STK38: variants seen among roughly 807,000 people sequenced by gnomAD.
STK38 encodes serine/threonine kinase 38, also known as serine/threonine-protein kinase 38.
A neutral mutation model predicts 59.0 loss-of-function variants in STK38; 26 were observed. The ratio of observed to expected loss-of-function variants is 0.44; its 90% CI spans 0.32 to 0.61. The LOEUF (loss-of-function observed/expected upper bound fraction) is 0.61. Ranked by LOEUF, STK38 falls within the 20% of genes least tolerant of loss-of-function variation. The pLI is 0.04. For missense variants in STK38, 433 were observed against 566.0 expected, an observed-to-expected ratio of 0.76 and a Z score of 2.38; for synonymous variants, 175 against 176.6, an observed-to-expected ratio of 0.99 and a Z score of 0.07.
intron 7 of STK38, among the ~76,000 whole-genome samples, chr6:36,509,264 C>G (rs1447779044): frequency 6.6e-6 from 1 of 152,166 alleles, no homozygotes; most frequent in East Asian, 1.9e-4. Flanking sequence ...TGGGTTGCTC[C>G]TTTCCGCAAG....
intron 1 of STK38, among the ~76,000 whole-genome samples, chr6:36,545,207 C>T (rs1040337664): frequency 2.8e-5 from 4 of 144,080 alleles, no homozygotes; most frequent in East Asian, 2.1e-4. Context: ...GCAGGAGAAT[C>T]GCTTGAACCC....
chr6:36,522,876 A>AAAAAAAAAAAAAAG (rs774099487), intron 4 of STK38, among the ~76,000 whole-genome samples: 6 of 98,832 alleles, frequency 6.1e-5, no homozygotes, highest in Non-Finnish European at 9.1e-5. Context: ...AAAAAAAAAA[A>AAAAAAAAAAAAAAG]AAGAAGAAGA....
chr6:36,539,525 A>G (rs775490463), intron 2 of STK38, among the ~76,000 whole-genome samples: 24 of 152,204 alleles, frequency 1.6e-4, no homozygotes, highest in Non-Finnish European at 3.2e-4. Context: ...ATACTCACAT[A>G]TGTTATATCT....
At chr6:36,515,204 T>TG (rs1409676958) in intron 7 of STK38, 134 bp downstream of exon 7, 4 of 905,486 alleles carry the variant, frequency 4.4e-6, no homozygotes, top group African/African-American at 1.8e-5. Flanking sequence ...CTTACCTGTT[T>TG]AAAAAAAAAA....
rs1778073804 is a variant in STK38, at chr6:36,547,330, C to G, written c.-146G>C. 6.6e-6 allele frequency: 1 copy of G among 152,634 alleles called. No individual in the cohort carries two copies. The highest frequency in any genetic ancestry group is 1.5e-5 in the Non-Finnish European group (1 of 68,302). 9.5% of individuals were successfully genotyped at this position (152,634 alleles called of 1,614,324 possible). On this transcript the variant is annotated 5_prime_UTR_variant, in exon 1 of 14. Transcript: ENST00000229812. ...GACGGGAGGGGACGCGTGAGGGACTCTGAGACAGGGGGCAACAGGCGGTTA... is the reference window on the plus strand; with the variant it reads ...GACGGGAGGGGACGCGTGAGGGACTGTGAGACAGGGGGCAACAGGCGGTTA...
chr6:36,542,630 C>T (rs1036994130), intron 1 of STK38, among the ~76,000 whole-genome samples: 2 of 149,338 alleles, frequency 1.3e-5, no homozygotes, highest in Non-Finnish European at 3.0e-5. Flanking sequence ...GGCTACACAG[C>T]GAGACTCAGT....
chr6:36,525,867 G>C (rs1301622314), intron 2 of STK38, among the ~76,000 whole-genome samples: 1 of 151,946 alleles, frequency 6.6e-6, no homozygotes. Flanking sequence ...AGGTTGCGAG[G>C]AGAGGAGACA....
At chr6:36,504,932 A>G (rs2267931) in intron 9 of STK38, among the ~76,000 whole-genome samples, 33,436 of 147,116 alleles carry the variant, frequency 0.23, 4,135 homozygotes, top group East Asian at 0.38. Flanking sequence ...AGAAAGAAAG[A>G]AAAGAAAGGA....
At chr6:36,529,047 C>T (rs1299471827) in intron 2 of STK38, among the ~76,000 whole-genome samples, 2 of 152,054 alleles carry the variant, frequency 1.3e-5, no homozygotes, top group Non-Finnish European at 2.9e-5. Context: ...ACAATTAGGA[C>T]CAGGTCCACA....
chr6:36,527,052 C>T (rs894499461), intron 2 of STK38, among the ~76,000 whole-genome samples: 1 of 151,186 alleles, frequency 6.6e-6, no homozygotes, highest in Non-Finnish European at 1.5e-5. Context: ...ATCAGCTAGG[C>T]GTGGTGGCGA....
chr6:36,508,409 T>C (rs1340784020), intron 7 of STK38, among the ~76,000 whole-genome samples: 1 of 152,262 alleles, frequency 6.6e-6, no homozygotes, highest in Non-Finnish European at 1.5e-5. Flanking sequence ...TAACCGGGCA[T>C]GATTCAGGAT....
intron 2 of STK38, among the ~76,000 whole-genome samples, chr6:36,536,400 G>A (rs910842360): frequency 3.9e-5 from 6 of 152,106 alleles, no homozygotes; most frequent in African/African-American, 7.2e-5. Flanking sequence ...GCCAGGCACC[G>A]TAGCTAACGT....
chr6:36,539,624 T>C (rs1367438557), intron 2 of STK38, among the ~76,000 whole-genome samples: 3 of 152,136 alleles, frequency 2.0e-5, no homozygotes, highest in Non-Finnish European at 2.9e-5. Flanking sequence ...AGGAACTTAT[T>C]AGAGCTTCAT....
intron 1 of STK38, among the ~76,000 whole-genome samples, chr6:36,546,629 T>A (rs1778059316): frequency 1.3e-5 from 2 of 152,182 alleles, no homozygotes; most frequent in South Asian, 4.1e-4. Flanking sequence ...CTTACCGACT[T>A]TTTCCTCTGG....
intron 2 of STK38, among the ~76,000 whole-genome samples, chr6:36,533,147 C>T (rs558506998): frequency 1.3e-5 from 2 of 151,628 alleles, no homozygotes; most frequent in African/African-American, 2.4e-5. Flanking sequence ...AGTACTAGTG[C>T]ATTGTTGTTT....
At chr6:36,502,956 A>G (rs1335957330) in intron 9 of STK38, among the ~76,000 whole-genome samples, 6 of 152,168 alleles carry the variant, frequency 3.9e-5, no homozygotes. Flanking sequence ...TCGTTCAATT[A>G]TTTTTACTGC....
At chr6:36,537,182 T>C (rs1328164704) in intron 2 of STK38, among the ~76,000 whole-genome samples, 1 of 152,144 alleles carries the variant, frequency 6.6e-6, no homozygotes, top group Non-Finnish European at 1.5e-5. Context: ...TCAACATCAT[T>C]AGTCATCAGG....
At chr6:36,519,561 A>G (rs1284686731) in intron 5 of STK38, among the ~76,000 whole-genome samples, 6 of 152,242 alleles carry the variant, frequency 3.9e-5, no homozygotes, top group Non-Finnish European at 7.3e-5. Context: ...GAAAGCTACC[A>G]TGAGCACACC....
At chr6:36,502,138 G>A (rs1014540653) in intron 9 of STK38, among the ~76,000 whole-genome samples, 1 of 152,028 alleles carries the variant, frequency 6.6e-6, no homozygotes, top group Non-Finnish European at 1.5e-5. Context: ...TATGAAATGG[G>A]ATCTCTTTTT....
Sources: allele counts gnomAD v4.1 joint callset (sites outside exome capture counted in the v4.1 genomes callset), GRCh38; gene constraint gnomAD v4.1.1; transcripts MANE v1.5; gene names NCBI Gene and HGNC (gene_info 2026-07-23, HGNC 2026-07-21).